EYA3: variants seen among roughly 807,000 people sequenced by gnomAD.
EYA3 encodes protein phosphatase EYA3.
In EYA3, 39 loss-of-function variants were observed where a neutral mutation model predicts 80.0. That is an observed-to-expected ratio of 0.49 (90% CI 0.38 to 0.64). The LOEUF is 0.64. Ranked by LOEUF, EYA3 falls within the 30% of genes least tolerant of loss-of-function variation. The probability of loss-of-function intolerance (pLI) is 0.00; values close to 1 mark genes in which losing one functional copy is unlikely to be tolerated. For missense variants in EYA3, 523 were observed against 676.1 expected (o/e 0.77, Z 2.51); for synonymous variants, 206 against 232.8 (o/e 0.88, Z 1.05).
chr1:28,068,049 C>A (rs2148922279), intron 1 of EYA3, among the ~76,000 whole-genome samples: 2 of 152,204 alleles, frequency 1.3e-5, no homozygotes, highest in East Asian at 3.9e-4. Flanking sequence ...ATAAAACCCT[C>A]CCTTTTAAAA....
intron 7 of EYA3, among the ~76,000 whole-genome samples, chr1:28,025,415 G>A (rs1642716597): frequency 6.6e-6 from 1 of 152,114 alleles, no homozygotes; most frequent in Non-Finnish European, 1.5e-5. Flanking sequence ...CATAAATATT[G>A]TACTCATGCT....
At chr1:28,080,163 G>A (rs1188123634) in intron 1 of EYA3, among the ~76,000 whole-genome samples, 1 of 152,018 alleles carries the variant, frequency 6.6e-6, no homozygotes, top group Non-Finnish European at 1.5e-5. Context: ...AACAAATAGA[G>A]GCCAGGCACA....
At chr1:27,997,953 T>A (rs1025619528) in intron 12 of EYA3, among the ~76,000 whole-genome samples, 2 of 152,204 alleles carry the variant, frequency 1.3e-5, no homozygotes, top group African/African-American at 4.8e-5. Flanking sequence ...CTCAAAGTCA[T>A]ACAATTAGTG....
At chr1:28,005,902 C>T (rs185869148) in intron 10 of EYA3, among the ~76,000 whole-genome samples, 146 of 151,512 alleles carry the variant, frequency 9.6e-4, no homozygotes, top group African/African-American at 3.3e-3. Context: ...GTCAGGAGTT[C>T]GAGACCAGCC....
At chr1:28,006,215 C>T (rs937969269) in intron 10 of EYA3, among the ~76,000 whole-genome samples, 3 of 151,690 alleles carry the variant, frequency 2.0e-5, no homozygotes, top group African/African-American at 7.3e-5. Flanking sequence ...GTGCAAAAGG[C>T]TTATTGGAAA....
intron 6 of EYA3, among the ~76,000 whole-genome samples, chr1:28,028,997 G>A (rs1642954124): frequency 6.6e-6 from 1 of 152,140 alleles, no homozygotes; most frequent in Non-Finnish European, 1.5e-5. Context: ...TGGGATTACA[G>A]GCATGAGCCA....
chr1:28,071,478 T>C (rs1645019105), intron 1 of EYA3, among the ~76,000 whole-genome samples: 1 of 152,232 alleles, frequency 6.6e-6, no homozygotes, highest in African/African-American at 2.4e-5. Flanking sequence ...TGTAACACTG[T>C]GCTTAGCACT....
chr1:28,003,576 A>G (rs1641051024), intron 11 of EYA3, among the ~76,000 whole-genome samples: 1 of 152,160 alleles, frequency 6.6e-6, no homozygotes, highest in South Asian at 2.1e-4. Flanking sequence ...AAAGGAGGCA[A>G]ATATTTTTAT....
Position 28,000,046 on chromosome 1 carries a change from G to A in EYA3, c.997C>T (p.Pro333Ser). 6.3e-7 allele frequency: 1 copy of A among 1,596,148 alleles called. No homozygotes were observed. Among genetic ancestry groups the A allele is most frequent in the Non-Finnish European group, 8.5e-7 (1 of 1,172,058 alleles). Residue 333 changes from proline (P) to serine (S), a missense_variant, in exon 12 of 18, where the codon CCA becomes TCA. Physicochemically the swap from Pro to Ser is moderately conservative, Grantham distance 74. Coordinates refer to ENST00000373871, the MANE Select transcript of EYA3 (RefSeq NM_001990.4). ...GSYAQKYGKD[P>S]TVVIGSGLTM... ...AAACCTGAGCCAATCACTACTGTTG[G>A]GTCCTAGAAGACAATAAGAAAAAAT...
Position 28,033,482 on chromosome 1 carries a change from TG to T in EYA3, c.361+2061del, listed in dbSNP as rs1263436237. 7.9e-5 allele frequency among the ~76,000 whole-genome samples: 12 copies of T among 152,176 alleles called. No individual in the cohort carries two copies. The South Asian group carries it at 1.7e-3, about 21-fold the overall frequency. ...TTTCTGAATTACTGATAGAAGAAAT[TG>T]GGAAACACAAGTCTTCCTTGCCCTC... On this transcript the variant is annotated intron_variant, in intron 6 of 17. Coordinates refer to ENST00000373871, the MANE Select transcript of EYA3 (RefSeq NM_001990.4).
At chr1:28,053,454 A>G (rs866657383) in intron 2 of EYA3, among the ~76,000 whole-genome samples, 1 of 152,208 alleles carries the variant, frequency 6.6e-6, no homozygotes, top group African/African-American at 2.4e-5. Context: ...CACTTTAAAT[A>G]TAACACAGCA....
At chr1:28,070,467 C>A (rs766300584) in intron 1 of EYA3, among the ~76,000 whole-genome samples, 1 of 152,026 alleles carries the variant, frequency 6.6e-6, no homozygotes, top group Non-Finnish European at 1.5e-5. Context: ...GAGGCTGAGG[C>A]AGAAGAATCA....
chr1:28,072,164 AAT>A (rs1190477962), intron 1 of EYA3, among the ~76,000 whole-genome samples: 1 of 152,336 alleles, frequency 6.6e-6, no homozygotes, highest in East Asian at 1.9e-4. Context: ...GAACTGAAAA[AAT>A]AGTCTTGCAA....
intron 5 of EYA3, 76 bp downstream of exon 5, chr1:28,038,763 A>G: frequency 1.3e-6 from 1 of 795,924 alleles, no homozygotes; most frequent in Non-Finnish European, 2.0e-6. Context: ...ATTATTTTAG[A>G]GGAAAAATAA....
chr1:27,977,866 A>G lies in EYA3; in HGVS notation c.1641+508T>C, dbSNP rs578219227. Among the ~76,000 whole-genome samples, 152 of 144,136 alleles carry G rather than the reference A, an allele frequency of 1.1e-3. 1 individual carries two copies. In the Middle Eastern group the frequency reaches 0.011, roughly 11 times the overall value. 94.6% of individuals were successfully genotyped at this position (144,136 alleles called of 152,430 possible). A position where few individuals can be genotyped will look rare whatever the true frequency, so the allele number is the denominator to read the frequency against. ...CTATCTCAAAAACAGAAAAAAAAAGAAAAAAGAAAAAAAGAAGGGGTGACC... is the reference window on the plus strand; with the variant it reads ...CTATCTCAAAAACAGAAAAAAAAAGGAAAAAGAAAAAAAGAAGGGGTGACC... On this transcript the variant is annotated intron_variant, in intron 17 of 17. Coordinates refer to ENST00000373871, the MANE Select transcript of EYA3 (RefSeq NM_001990.4).
intron 1 of EYA3, among the ~76,000 whole-genome samples, chr1:28,073,127 A>ATTTTTTTTTTTTT (rs1180868021): frequency 6.7e-5 from 1 of 14,998 alleles, no homozygotes. Flanking sequence ...ATATATATAT[A>ATTTTTTTTTTTTT]TTTTTTTTTT....
chr1:28,041,128 C>T (rs1643752790), intron 4 of EYA3, among the ~76,000 whole-genome samples: 1 of 152,194 alleles, frequency 6.6e-6, no homozygotes, highest in Non-Finnish European at 1.5e-5. Flanking sequence ...CTTTGGGAGG[C>T]TGAGGCCGGC....
At chr1:28,079,479 T>C (rs911178641) in intron 1 of EYA3, among the ~76,000 whole-genome samples, 3 of 152,186 alleles carry the variant, frequency 2.0e-5, no homozygotes, top group Admixed American at 6.5e-5. Flanking sequence ...ACCTTTTGAC[T>C]AGTTGCCAAG....
chr1:28,024,285 A>T lies in EYA3; in HGVS notation c.499+3504T>A, dbSNP rs902540479. 9.9e-5 allele frequency among the ~76,000 whole-genome samples: 15 copies of T among 151,388 alleles called. No individual in the cohort carries two copies. The South Asian group carries it at 1.2e-3, about 13-fold the overall frequency. ...CAAACAAAAACATCTATTAATAAAA[A>T]TTTTTTTAAAAATCTCCTGGTCAGA... On this transcript the variant is annotated intron_variant, in intron 7 of 17. Coordinates refer to ENST00000373871, the MANE Select transcript of EYA3 (RefSeq NM_001990.4).
Sources: gnomAD v4.1 joint callset for allele counts (sites outside exome capture counted in the v4.1 genomes callset) on GRCh38, gnomAD v4.1.1 for gene constraint, MANE v1.5 for transcripts, NCBI Gene and HGNC (gene_info 2026-07-23, HGNC 2026-07-21) for gene names.